Variants in DLC1 observed in about 807,000 individuals in gnomAD.
DLC1 encodes the protein DLC1 Rho GTPase activating protein, also known as rho GTPase-activating protein 7.
Under a neutral mutation model 140.3 loss-of-function variants are expected in DLC1, and 54 were observed. That is an observed-to-expected ratio of 0.38 (90% CI 0.31 to 0.48). The LOEUF is 0.48. Among genes scored for constraint, DLC1 ranks in the 20% least tolerant of loss-of-function variants. DLC1 has a pLI of 0.96. For missense variants in DLC1, 2,536 were observed against 1,907.0 expected (o/e 1.33, Z -6.14); for synonymous variants, 986 against 728.1 (o/e 1.35, Z -5.70).
chr8:13,321,389 T>C (rs1460590161), intron 4 of DLC1, among the ~76,000 whole-genome samples: 1 of 151,684 alleles, frequency 6.6e-6, no homozygotes, highest in Non-Finnish European at 1.5e-5. Flanking sequence ...AATGCAAAAA[T>C]TAGCCATGTG....
intron 5 of DLC1, among the ~76,000 whole-genome samples, chr8:13,169,228 G>T (rs964674471): frequency 2.6e-5 from 4 of 152,146 alleles, no homozygotes; most frequent in Non-Finnish European, 4.4e-5. Flanking sequence ...AATCAACTAT[G>T]TTCAGTGAAA....
At chr8:13,228,674 C>G (rs543303666) in intron 5 of DLC1, among the ~76,000 whole-genome samples, 2 of 152,286 alleles carry the variant, frequency 1.3e-5, no homozygotes, top group East Asian at 1.9e-4. Flanking sequence ...TGCTTCAGCC[C>G]AGGAGGCTGC....
chr8:13,305,366 A>G (rs1472218784), intron 4 of DLC1, 64 bp from the exon 5 acceptor site: 26 of 1,496,394 alleles, frequency 1.7e-5, no homozygotes, highest in Non-Finnish European at 2.3e-5. Flanking sequence ...CATCATTAGA[A>G]ATAAAACGAA....
intron 1 of DLC1, among the ~76,000 whole-genome samples, chr8:13,534,862 G>GA (rs1431404621): frequency 2.6e-5 from 4 of 152,040 alleles, no homozygotes; most frequent in Admixed American, 1.3e-4. Context: ...GAATGGAATG[G>GA]AAAAAAATCT....
chr8:13,567,313 C>A (rs371576358), intron 1 of DLC1: 34 of 1,551,608 alleles, frequency 2.2e-5, no homozygotes, highest in Non-Finnish European at 2.9e-5. Context: ...CACCAAACTT[C>A]CAACAGAAAT....
intron 5 of DLC1, among the ~76,000 whole-genome samples, chr8:13,245,678 A>AT (rs1829735129): frequency 1.3e-5 from 2 of 151,868 alleles, no homozygotes; most frequent in Non-Finnish European, 2.9e-5. Flanking sequence ...AACTTTTAAA[A>AT]TTTTTTTATT....
At position 13,390,932 on chromosome 8, in the gene DLC1, C is replaced by G. The variant is rs533480136; in HGVS notation, c.1314+2621G>C. Among the ~76,000 whole-genome samples, 1,176 of 148,542 alleles carry G rather than the reference C, an allele frequency of 7.9e-3. 31 individuals are homozygous for G. Among genetic ancestry groups the G allele is most frequent in the African/African-American group, 0.027 (1,103 of 40,364 alleles). On this transcript the variant is annotated intron_variant, in intron 4 of 17. Coordinates refer to ENST00000276297, the MANE Select transcript of DLC1 (RefSeq NM_182643.3). Reference sequence around the variant, plus strand: ...CCCAGGAGGCAGAGCTCGCAGTGAGCTGAGATTGCACCACTGCACTCCAGC... The same window carrying G: ...CCCAGGAGGCAGAGCTCGCAGTGAGGTGAGATTGCACCACTGCACTCCAGC...
chr8:13,567,300 A>G (rs370265980), intron 1 of DLC1: 35 of 1,551,812 alleles, frequency 2.3e-5, no homozygotes, highest in Non-Finnish European at 3.0e-5. Context: ...GGCACCAACC[A>G]GACACCAAAC....
At chr8:13,509,371 A>C (rs189346787) in intron 1 of DLC1, among the ~76,000 whole-genome samples, 2 of 152,182 alleles carry the variant, frequency 1.3e-5, no homozygotes, top group Non-Finnish European at 2.9e-5. Flanking sequence ...TTAGGAACTT[A>C]ATTACTTCTG....
Position 13,133,078 on chromosome 8 carries a change from C to A in DLC1, c.1349-17421G>T. The A allele has an allele frequency of 2.0e-6, 3 of 1,535,000 alleles. No individual in the cohort carries two copies. The South Asian group carries it at 3.7e-5, about 19-fold the overall frequency. ...GGGACCCACGGCGGCACCCGAGACG[C>A]GCGCCCTCGCGGTCCTCAACGCATC... On this transcript the variant is annotated intron_variant, in intron 5 of 17. Coordinates refer to ENST00000276297, the MANE Select transcript of DLC1 (RefSeq NM_182643.3).
intron 1 of DLC1, chr8:13,566,711 G>C (rs569089724): frequency 1.2e-5 from 5 of 423,122 alleles, no homozygotes; most frequent in Non-Finnish European, 2.1e-5. Context: ...AGAGAAGCAG[G>C]AGTGCAGAAG....
Position 13,092,760 on chromosome 8 carries a change from G to A in DLC1, c.3592C>T (p.Arg1198Trp), listed in dbSNP as rs754667634. 4.3e-6 allele frequency: 7 copies of A among 1,614,090 alleles called. No individual in the cohort carries two copies. The highest frequency in any genetic ancestry group is 1.3e-5 in the African/African-American group (1 of 75,018). ...AAIMLLPDENREVLQTLLYFL... is the reference protein window; with the variant it reads ...AAIMLLPDENWEVLQTLLYFL... ...TAAAGCAGGGTCTGCAGAACCTCCC[G>A]GTTCTCGTCAGGCAGCAGCATGATG... The change falls in exon 13 of 18, where the codon CGG becomes TGG. Residue 1198 changes from arginine to tryptophan, a missense_variant. Transcript: ENST00000276297.
At chr8:13,326,918 A>C (rs551821884) in intron 4 of DLC1, among the ~76,000 whole-genome samples, 12 of 152,264 alleles carry the variant, frequency 7.9e-5, no homozygotes, top group South Asian at 6.2e-4. Flanking sequence ...TGTGATCAGT[A>C]GAAACAGAGA....
intron 4 of DLC1, among the ~76,000 whole-genome samples, chr8:13,325,864 G>T (rs1833322568): frequency 6.6e-6 from 1 of 152,082 alleles, no homozygotes; most frequent in Non-Finnish European, 1.5e-5. Flanking sequence ...ATGTAATAAA[G>T]ACTTAGTACA....
intron 4 of DLC1, among the ~76,000 whole-genome samples, chr8:13,312,186 C>A (rs1370559173): frequency 3.0e-5 from 4 of 131,536 alleles, no homozygotes; most frequent in African/African-American, 8.7e-5. Flanking sequence ...ACGGTGAAAC[C>A]CCGTCTCTAC....
intron 5 of DLC1, among the ~76,000 whole-genome samples, chr8:13,223,866 T>C (rs1209822423): frequency 6.6e-6 from 1 of 152,172 alleles, no homozygotes; most frequent in Non-Finnish European, 1.5e-5. Context: ...CACTAAAAGG[T>C]GGAGAGTTTT....
chr8:13,203,547 C>G (rs193112585), intron 5 of DLC1, among the ~76,000 whole-genome samples: 1 of 152,164 alleles, frequency 6.6e-6, no homozygotes, highest in African/African-American at 2.4e-5. Context: ...TGTGCGCAAT[C>G]CTGTCTGAAC....
At chr8:13,448,927 A>C (rs186325545) in intron 2 of DLC1, among the ~76,000 whole-genome samples, 1 of 152,214 alleles carries the variant, frequency 6.6e-6, no homozygotes, top group East Asian at 1.9e-4. Flanking sequence ...CAGTTTCAGG[A>C]GGTTTTGGAG....
chr8:13,591,963 A>C (rs774952390), intron 1 of DLC1, among the ~76,000 whole-genome samples: 15 of 152,118 alleles, frequency 9.9e-5, no homozygotes, highest in Non-Finnish European at 1.9e-4. Flanking sequence ...TTTTAAAATC[A>C]GCACCTGGTT....
Sources: allele counts gnomAD v4.1 joint callset (sites outside exome capture counted in the v4.1 genomes callset), GRCh38; gene constraint gnomAD v4.1.1; transcripts MANE v1.5; gene names NCBI Gene and HGNC (gene_info 2026-07-23, HGNC 2026-07-21).